Variants in SH2D4B observed in about 807,000 individuals in gnomAD.
SH2D4B encodes the protein SH2 domain-containing protein 4B.
Under a neutral mutation model 61.5 loss-of-function variants are expected in SH2D4B, and 45 were observed. The observed-to-expected ratio is 0.73, with a 90% CI of 0.58 to 0.94. The LOEUF is 0.94. Among genes scored for constraint, SH2D4B ranks in the 40% least tolerant of loss-of-function variants. SH2D4B has a pLI of 0.00. For missense variants in SH2D4B, 572 were observed against 574.2 expected (o/e 1.00, Z 0.04); for synonymous variants, 224 against 220.4 (o/e 1.02, Z -0.14).
intron 5 of SH2D4B, among the ~76,000 whole-genome samples, chr10:80,604,110 A>G (rs1842487343): frequency 6.6e-6 from 1 of 152,170 alleles, no homozygotes. Flanking sequence ...TTTGCATACA[A>G]TTTGAGACTC....
At chr10:80,587,147 T>G (rs1285906098) in intron 3 of SH2D4B, among the ~76,000 whole-genome samples, 15 of 53,452 alleles carry the variant, frequency 2.8e-4, no homozygotes, top group African/African-American at 6.2e-4. Flanking sequence ...TTTTTTTTTG[T>G]TTTGTTTTTT....
intron 1 of SH2D4B, among the ~76,000 whole-genome samples, chr10:80,552,611 C>T (rs1841776469): frequency 6.6e-6 from 1 of 152,198 alleles, no homozygotes; most frequent in African/African-American, 2.4e-5. Flanking sequence ...TCCCAGCTCT[C>T]ACTCCAGCTC....
At chr10:80,545,148 CATTT>C (rs1003174893) in intron 1 of SH2D4B, among the ~76,000 whole-genome samples, 2 of 152,220 alleles carry the variant, frequency 1.3e-5, no homozygotes, top group Non-Finnish European at 2.9e-5. Flanking sequence ...AATTCAGTGA[CATTT>C]AGTACATTCA....
intron 4 of SH2D4B, among the ~76,000 whole-genome samples, chr10:80,596,056 G>A (rs1245330552): frequency 1.3e-5 from 2 of 152,288 alleles, no homozygotes; most frequent in Admixed American, 1.3e-4. Flanking sequence ...TTCCAGCCTT[G>A]GGACCTGGGT....
At chr10:80,598,395 C>T (rs563959648) in intron 4 of SH2D4B, among the ~76,000 whole-genome samples, 3 of 152,066 alleles carry the variant, frequency 2.0e-5, no homozygotes, top group East Asian at 1.9e-4. Context: ...CATTAATGTA[C>T]GGTGTGGCAA....
At chr10:80,540,752 G>A (rs905390879) in intron 1 of SH2D4B, 2 of 1,428,502 alleles carry the variant, frequency 1.4e-6, no homozygotes, top group Non-Finnish European at 1.9e-6. Flanking sequence ...TGCTTGTCCT[G>A]GAGACGGTGG....
intron 4 of SH2D4B, among the ~76,000 whole-genome samples, chr10:80,589,012 G>A (rs115338233): frequency 1.6e-5 from 2 of 123,946 alleles, no homozygotes; most frequent in African/African-American, 3.6e-5. Context: ...TTTTTTTTTT[G>A]TTCTTTTTTG....
At position 80,571,593 on chromosome 10, in the gene SH2D4B, G is replaced by A; in HGVS notation, c.495+15G>A. The A allele has an allele frequency of 1.2e-6, 2 of 1,612,238 alleles. No homozygotes were observed. Among genetic ancestry groups the A allele is most frequent in the Non-Finnish European group, 1.7e-6 (2 of 1,179,464 alleles). ...AGGAATTCAAGGTGGGCCAGCGCAT[G>A]GGGCCCCTGCGTGCGGCCACCTAAT... On this transcript the variant is annotated intron_variant, in intron 3 of 7. Transcript: ENST00000646907.
intron 7 of SH2D4B, among the ~76,000 whole-genome samples, chr10:80,638,114 C>G (rs1033885377): frequency 2.0e-5 from 3 of 152,150 alleles, no homozygotes; most frequent in Admixed American, 6.5e-5. Context: ...GTTGAACCAG[C>G]CTTGCATCCC....
Position 80,569,213 on chromosome 10 carries a change from A to G in SH2D4B, c.185-941A>G, listed in dbSNP as rs555156502. Among the ~76,000 whole-genome samples the G allele has an allele frequency of 1.8e-4, 28 of 152,242 alleles. No individual in the cohort carries two copies. In the South Asian group the frequency reaches 5.0e-3, roughly 27 times the overall value. On this transcript the variant is annotated intron_variant, in intron 1 of 7. Coordinates refer to ENST00000646907, the MANE Select transcript of SH2D4B (RefSeq NM_001388272.1). ...AGGGCCCCAGGCTGCTTCATCTCAC[A>G]CCACCACCTGATTCCTTGTTTCTAG...
chr10:80,611,330 G>A lies in SH2D4B; in HGVS notation c.988+1779G>A, dbSNP rs186478917. On this transcript the variant is annotated intron_variant, in intron 6 of 7. Transcript: ENST00000646907. ...TTCTGTTAGCCAGAACCAATGTGGC[G>A]TCCATGGTACAGTGGATAGTTTCGA... Among the ~76,000 whole-genome samples the A allele has an allele frequency of 3.7e-4, 57 of 152,252 alleles. 1 individual carries two copies. Among genetic ancestry groups the A allele is most frequent in the South Asian group, 8.3e-4 (4 of 4,828 alleles).
intron 6 of SH2D4B, among the ~76,000 whole-genome samples, chr10:80,617,336 C>T (rs557490305): frequency 8.5e-5 from 13 of 152,304 alleles, no homozygotes; most frequent in South Asian, 8.3e-4. Flanking sequence ...CTCCTGAGGC[C>T]GGTGCCACCC....
intron 7 of SH2D4B, among the ~76,000 whole-genome samples, chr10:80,639,008 A>G (rs915758589): frequency 2.0e-5 from 3 of 152,198 alleles, no homozygotes; most frequent in Admixed American, 2.0e-4. Context: ...TTGGTTTCAA[A>G]GAACAACTTT....
chr10:80,630,614 TATAGG>T (rs1842820621), intron 6 of SH2D4B, among the ~76,000 whole-genome samples: 1 of 152,224 alleles, frequency 6.6e-6, no homozygotes, highest in Non-Finnish European at 1.5e-5. Flanking sequence ...CCAATCAAGC[TATAGG>T]CTTTGTGGTT....
At chr10:80,636,796 G>A (rs1042856071) in intron 7 of SH2D4B, among the ~76,000 whole-genome samples, 10 of 152,168 alleles carry the variant, frequency 6.6e-5, no homozygotes, top group African/African-American at 2.4e-4. Flanking sequence ...TAGTTCGATA[G>A]ATCCCATTTT....
At chr10:80,578,719 T>C (rs566561023) in intron 3 of SH2D4B, among the ~76,000 whole-genome samples, 76 of 152,164 alleles carry the variant, frequency 5.0e-4, no homozygotes, top group African/African-American at 1.8e-3. Flanking sequence ...TGTGGTCAGA[T>C]GAAGTTTTAG....
chr10:80,578,609 A>G (rs936299239), intron 3 of SH2D4B, among the ~76,000 whole-genome samples: 2 of 152,208 alleles, frequency 1.3e-5, no homozygotes, highest in African/African-American at 4.8e-5. Context: ...GGAGCCAGAC[A>G]TACGCCTGGA....
At chr10:80,563,929 A>G (rs1290040247) in intron 1 of SH2D4B, among the ~76,000 whole-genome samples, 3 of 152,244 alleles carry the variant, frequency 2.0e-5, no homozygotes, top group East Asian at 3.8e-4. Context: ...AACCCCAATC[A>G]AGAAAAATTG....
chr10:80,640,023 A>G (rs1840261442), intron 7 of SH2D4B, among the ~76,000 whole-genome samples: 1 of 152,098 alleles, frequency 6.6e-6, no homozygotes, highest in African/African-American at 2.4e-5. Context: ...TGTGTAAAGT[A>G]TTTTATTTCT....
Sources: allele counts gnomAD v4.1 joint callset (sites outside exome capture counted in the v4.1 genomes callset), GRCh38; gene constraint gnomAD v4.1.1; transcripts MANE v1.5; gene names NCBI Gene and HGNC (gene_info 2026-07-23, HGNC 2026-07-21).